The following PTPRN2 variants were observed in gnomAD, a reference collection of about 807,000 sequenced individuals.
The protein encoded by PTPRN2 is receptor-type tyrosine-protein phosphatase N2.
Under a neutral mutation model 118.8 loss-of-function variants are expected in PTPRN2, and 74 were observed. That is an observed-to-expected ratio of 0.62 (90% CI 0.52 to 0.76). The LOEUF (loss-of-function observed/expected upper bound fraction) is 0.76. Ranked by LOEUF, PTPRN2 falls within the 30% of genes least tolerant of loss-of-function variation. PTPRN2 has a pLI of 0.00. For synonymous variants in PTPRN2, 641 were observed against 608.0 expected (o/e 1.05, Z -0.80); for missense variants, 1,481 against 1,394.4 (o/e 1.06, Z -0.99).
At chr7:158,004,265 A>G (rs1016387416) in intron 11 of PTPRN2, among the ~76,000 whole-genome samples, 3 of 152,172 alleles carry the variant, frequency 2.0e-5, no homozygotes, top group African/African-American at 4.8e-5. Context: ...TGAGAGAGGG[A>G]ACCGCCCACT....
chr7:157,792,948 T>G (rs1003083201), intron 12 of PTPRN2, among the ~76,000 whole-genome samples: 8 of 152,204 alleles, frequency 5.3e-5, no homozygotes, highest in African/African-American at 1.9e-4. Context: ...AACTCATCTC[T>G]TTTTCTAAAG....
intron 3 of PTPRN2, among the ~76,000 whole-genome samples, chr7:158,260,158 TC>T (rs1172432221): frequency 1.3e-5 from 2 of 152,226 alleles, no homozygotes; most frequent in Non-Finnish European, 2.9e-5. Context: ...CTGCTGTCTC[TC>T]TGTGGGGTTT....
chr7:158,509,721 G>A lies in PTPRN2; in HGVS notation c.113-19936C>T, dbSNP rs982079787. On this transcript the variant is annotated intron_variant, in intron 1 of 22. Transcript: ENST00000389418. This position sits in a 1 kb window ranked among gnomAD's most constrained non-coding sequence, Gnocchi z 4.4. ...TCAGCGCCCACAGGCAGGTGGCCCA[G>A]GGGAGCAGGGCCTGTCCTTTGCCCA... Among the ~76,000 whole-genome samples, 2 of 152,258 alleles carry A rather than the reference G, an allele frequency of 1.3e-5. No homozygotes were observed. Among genetic ancestry groups the A allele is most frequent in the East Asian group, 3.9e-4 (2 of 5,192 alleles).
At chr7:158,466,895 G>T (rs571950711) in intron 2 of PTPRN2, among the ~76,000 whole-genome samples, 23 of 152,302 alleles carry the variant, frequency 1.5e-4, no homozygotes, top group Admixed American at 3.9e-4. Flanking sequence ...ATAAAAATTA[G>T]CTAGGCATGG....
intron 2 of PTPRN2, among the ~76,000 whole-genome samples, chr7:158,440,340 C>A (rs1225129176): frequency 6.6e-6 from 1 of 152,240 alleles, no homozygotes; most frequent in African/African-American, 2.4e-5. Context: ...TATCTCAGGA[C>A]TGGTGCAGTA....
chr7:157,758,800 C>T (rs563661215), intron 12 of PTPRN2, among the ~76,000 whole-genome samples: 1 of 152,270 alleles, frequency 6.6e-6, no homozygotes, highest in South Asian at 2.1e-4. Context: ...GAAGGCCCTG[C>T]TCAGAAAATC....
chr7:158,337,623 C>A (rs1805927047), intron 2 of PTPRN2, among the ~76,000 whole-genome samples: 1 of 121,592 alleles, frequency 8.2e-6, no homozygotes, highest in Non-Finnish European at 1.8e-5. Context: ...TAAGAGGAGA[C>A]ACCTGCAGAC....
At chr7:158,221,716 C>T (rs1411384800) in intron 3 of PTPRN2, among the ~76,000 whole-genome samples, 1 of 152,120 alleles carries the variant, frequency 6.6e-6, no homozygotes, top group Non-Finnish European at 1.5e-5. Context: ...ATGGGGGAAA[C>T]TGCCCCATGA....
chr7:158,415,194 A>G (rs973699610), intron 2 of PTPRN2, among the ~76,000 whole-genome samples: 1 of 152,152 alleles, frequency 6.6e-6, no homozygotes, highest in African/African-American at 2.4e-5. Context: ...CTTCCCAATT[A>G]ATCTTTACTC....
intron 11 of PTPRN2, among the ~76,000 whole-genome samples, chr7:157,931,128 C>T (rs955388726): frequency 6.6e-6 from 1 of 152,116 alleles, no homozygotes; most frequent in South Asian, 2.1e-4. Flanking sequence ...AGCTGCGGTG[C>T]CTGGCATTGT....
In PTPRN2 at chr7:157,585,861, G is replaced by A. The variant is rs936637690; in HGVS notation, c.2497-7721C>T. On this transcript the variant is annotated intron_variant, in intron 17 of 22. Transcript: ENST00000389418. The surrounding 1 kb of genome is among the most constrained non-coding windows in gnomAD (Gnocchi z 5.2). ...GGAGCAGTAAGAATCAGTCAGAAAG[G>A]AAAGCCGGACCTGTCCTTTCTACTT... 6.6e-6 allele frequency among the ~76,000 whole-genome samples: 1 copy of A among 152,194 alleles called. No homozygotes were observed. The highest frequency in any genetic ancestry group is 1.5e-5 in the Non-Finnish European group (1 of 68,040).
intron 11 of PTPRN2, among the ~76,000 whole-genome samples, chr7:157,995,146 C>G (rs140834057): frequency 0.032 from 4,613 of 144,598 alleles, 52 homozygotes; most frequent in African/African-American, 0.12. Context: ...CAGCTTACAA[C>G]TCCTTGTTCC....
chr7:157,879,574 C>T (rs527954520), intron 12 of PTPRN2, among the ~76,000 whole-genome samples: 5 of 152,194 alleles, frequency 3.3e-5, no homozygotes, highest in South Asian at 2.1e-4. Flanking sequence ...GGGAGTTAAC[C>T]GGCATGAAAT....
chr7:157,726,091 C>G (rs1799579620), intron 12 of PTPRN2, among the ~76,000 whole-genome samples: 1 of 107,170 alleles, frequency 9.3e-6, no homozygotes, highest in Non-Finnish European at 1.9e-5. Context: ...TGTGGCCAGA[C>G]CCTCACCTCC....
intron 17 of PTPRN2, among the ~76,000 whole-genome samples, chr7:157,594,590 C>T (rs1362998217): frequency 6.6e-6 from 1 of 152,256 alleles, no homozygotes; most frequent in African/African-American, 2.4e-5. Flanking sequence ...GTGCCCGACA[C>T]GCGGCCGGTG....
intron 11 of PTPRN2, among the ~76,000 whole-genome samples, chr7:157,942,406 T>C (rs1170829915): frequency 6.6e-6 from 1 of 152,162 alleles, no homozygotes; most frequent in Non-Finnish European, 1.5e-5. Flanking sequence ...ACAGCAGGTG[T>C]TGGTGTGGGG....
chr7:157,819,358 C>T (rs1473393826), intron 12 of PTPRN2, among the ~76,000 whole-genome samples: 6 of 152,222 alleles, frequency 3.9e-5, no homozygotes, highest in Non-Finnish European at 7.3e-5. Flanking sequence ...TCAGCTGGCT[C>T]TGTCGGCTCG....
intron 10 of PTPRN2, among the ~76,000 whole-genome samples, chr7:158,102,657 G>C (rs538828360): frequency 6.6e-6 from 1 of 152,304 alleles, no homozygotes; most frequent in East Asian, 1.9e-4. Flanking sequence ...AGGGGGTGTG[G>C]GATGGGCCTG....
chr7:157,937,863 A>G (rs1161745273), intron 11 of PTPRN2, among the ~76,000 whole-genome samples: 1 of 152,256 alleles, frequency 6.6e-6, no homozygotes, highest in East Asian at 1.9e-4. Flanking sequence ...GCCCCAGGAC[A>G]GTCTGTTCAG....
Sources: gnomAD v4.1 joint callset for allele counts (sites outside exome capture counted in the v4.1 genomes callset) on GRCh38, gnomAD v4.1.1 for gene constraint, Gnocchi (gnomAD v3.1) non-coding constraint, MANE v1.5 for transcripts, NCBI Gene and HGNC (gene_info 2026-07-23, HGNC 2026-07-21) for gene names.